The following ATP8B3 variants were observed in gnomAD, a reference collection of about 807,000 sequenced individuals.
ATP8B3 encodes phospholipid-transporting ATPase IK.
A neutral mutation model predicts 140.9 loss-of-function variants in ATP8B3; 141 were observed. The ratio of observed to expected loss-of-function variants is 1.00; its 90% confidence interval spans 0.87 to 1.15. ATP8B3 has a LOEUF of 1.15. Among genes scored for constraint, ATP8B3 ranks in the 50% most tolerant of loss-of-function variants. The pLI, the probability that ATP8B3 is intolerant of heterozygous loss-of-function variation, is 0.00. For synonymous variants in ATP8B3, 765 were observed against 714.6 expected, an observed-to-expected ratio of 1.07 and a Z score of -1.13; for missense variants, 1,874 against 1,740.6, an observed-to-expected ratio of 1.08 and a Z score of -1.36.
In ATP8B3 at chr19:1,789,440, G is replaced by A; in HGVS notation, c.2766C>T (p.Ile922=). The A allele has an allele frequency of 6.3e-7, 1 of 1,598,060 alleles. No homozygotes were observed. The change falls in exon 23 of 29, where the codon ATC becomes ATT. Residue 922 remains isoleucine, a synonymous_variant. Coordinates refer to ENST00000310127, the MANE Select transcript of ATP8B3 (RefSeq NM_138813.4). ...CRVTPKQKAL[I]VALVKKYHQV... ...GGTGGTACTTCTTGACCAGGGCCAC[G>A]ATCAGGGCCTTCTGCTTGGGCGTCA... is the stretch of plus-strand genomic sequence containing the variant.
Position 1,805,573 on chromosome 19 carries a change from T to C in ATP8B3, c.822-117A>G, listed in dbSNP as rs2068985732. 2 of 940,248 alleles carry C rather than the reference T, an allele frequency of 2.1e-6. No homozygotes were observed. Among genetic ancestry groups the C allele is most frequent in the East Asian group, 5.2e-5 (2 of 38,164 alleles). The allele number at this position is 940,248 out of a possible 1,614,324, so 58.2% of individuals were successfully genotyped here. A position where few individuals can be genotyped will look rare whatever the true frequency, so the allele number is the denominator to read the frequency against. ...ACTGAGCACCTACTAGTTCGCCAGCTGCCAGTCAGATGGCTGAGGCCCAGA... is the reference window on the plus strand; with the variant it reads ...ACTGAGCACCTACTAGTTCGCCAGCCGCCAGTCAGATGGCTGAGGCCCAGA... On this transcript the variant is annotated intron_variant, in intron 9 of 28. Transcript: ENST00000310127. The surrounding 1 kb of genome is among the most constrained non-coding windows in gnomAD (Gnocchi z 5.2).
chr19:1,799,454 C>T (rs572749457), intron 14 of ATP8B3: 24 of 191,314 alleles, frequency 1.3e-4, no homozygotes, highest in Non-Finnish European at 1.0e-4. Flanking sequence ...AGCAAAACTC[C>T]GTCTCAGAGA....
At chr19:1,792,175 C>A (rs571387399) in intron 18 of ATP8B3, 40 bp from the exon 19 acceptor site, 5 of 1,525,230 alleles carry the variant, frequency 3.3e-6, no homozygotes, top group Non-Finnish European at 4.4e-6. Context: ...CATGCTGAAG[C>A]CGACATCCGA....
chr19:1,806,505 C>G lies in ATP8B3; in HGVS notation c.677+123G>C. 6.7e-7 allele frequency: 1 copy of G among 1,498,172 alleles called. No homozygotes were observed. The highest frequency in any genetic ancestry group is 8.9e-7 in the Non-Finnish European group (1 of 1,126,140). 92.8% of individuals were successfully genotyped at this position (1,498,172 alleles called of 1,614,324 possible). A position where few individuals can be genotyped will look rare whatever the true frequency, so the allele number is the denominator to read the frequency against. ...TAATGAATGCAGGCCCGGTTCCTGT[C>G]GGACTCAACCAGCCGGGAGATCAGG... On this transcript the variant is annotated intron_variant, in intron 7 of 28. Coordinates refer to ENST00000310127, the MANE Select transcript of ATP8B3 (RefSeq NM_138813.4). This position sits in a 1 kb window ranked among gnomAD's most constrained non-coding sequence, Gnocchi z 5.6.
chr19:1,791,649 T>C, intron 20 of ATP8B3, 101 bp downstream of exon 20: 5 of 916,246 alleles, frequency 5.5e-6, no homozygotes, highest in Non-Finnish European at 8.5e-6. Context: ...CGCCTCGGCC[T>C]CCCAAAGTGC....
intron 25 of ATP8B3, among the ~76,000 whole-genome samples, chr19:1,786,004 G>A (rs567413810): frequency 3.3e-5 from 5 of 152,088 alleles, no homozygotes; most frequent in Admixed American, 6.5e-5. Context: ...GTGGTGGTGC[G>A]CACCTGTAAT....
In ATP8B3 at chr19:1,805,820, G is replaced by A; in HGVS notation, c.821+68C>T. 1.4e-5 allele frequency: 23 copies of A among 1,589,254 alleles called. No homozygotes were observed. The highest frequency in any genetic ancestry group is 1.9e-5 in the Non-Finnish European group (22 of 1,160,992). On this transcript the variant is annotated intron_variant, in intron 9 of 28. Transcript: ENST00000310127. This position sits in a 1 kb window ranked among gnomAD's most constrained non-coding sequence, Gnocchi z 5.2. The stretch of plus-strand genomic sequence containing the variant: ...TGGCTGGCCGCCTCCTTGGTGACTG[G>A]GGAAGGGGGCTCCTCCGGGCCATGC...
At chr19:1,791,317 C>T (rs1568627948) in intron 20 of ATP8B3, among the ~76,000 whole-genome samples, 1 of 151,684 alleles carries the variant, frequency 6.6e-6, no homozygotes, top group African/African-American at 2.4e-5. Flanking sequence ...CATAAGCGAG[C>T]CTCCTGCCTC....
At chr19:1,787,763 G>C (rs1008605870) in intron 24 of ATP8B3, among the ~76,000 whole-genome samples, 30 of 117,600 alleles carry the variant, frequency 2.6e-4, no homozygotes, top group Non-Finnish European at 3.4e-5. Flanking sequence ...AAAAAAAAAC[G>C]CTGGGTGCGA....
At chr19:1,788,874 G>T in intron 24 of ATP8B3, 23 bp downstream of exon 24, 2 of 1,559,736 alleles carry the variant, frequency 1.3e-6, no homozygotes, top group South Asian at 1.2e-5. Context: ...CTGGTCATGG[G>T]GCAGCCAGGG....
At chr19:1,795,789 AC>A in intron 18 of ATP8B3, 85 bp downstream of exon 18, 1 of 47,386 alleles carries the variant, frequency 2.1e-5, no homozygotes, top group Non-Finnish European at 3.6e-5. Flanking sequence ...GTCCCTACAC[AC>A]ACACACACAC....
Position 1,789,915 on chromosome 19 carries a change from G to C in ATP8B3, c.2453C>G (p.Ala818Gly). The change falls in exon 22 of 29, where the codon GCC becomes GGC. Residue 818 changes from alanine to glycine, a missense_variant. Physicochemically the swap from Ala to Gly is moderately conservative, Grantham distance 60. Around this residue, in one of 3 missense-constraint regions of ATP8B3, gnomAD observed 840 missense variants for 760.9 expected, o/e 1.10. Coordinates refer to ENST00000310127, the MANE Select transcript of ATP8B3 (RefSeq NM_138813.4). ...CAGGAAGTCTCCGTTAATGACCAAG[G>C]CCAGCTTGACCTGCGACAGGGACTC... ...TRESLSQVKLALVINGDFLDK... is the reference protein window; with the variant it reads ...TRESLSQVKLGLVINGDFLDK... 2 of 1,612,000 alleles carry C rather than the reference G, an allele frequency of 1.2e-6. No homozygotes were observed. Among genetic ancestry groups the C allele is most frequent in the Admixed American group, 3.3e-5 (2 of 59,998 alleles).
chr19:1,786,242 T>C (rs183869061), intron 25 of ATP8B3, among the ~76,000 whole-genome samples: 417 of 151,850 alleles, frequency 2.7e-3, no homozygotes, highest in African/African-American at 8.7e-3. Context: ...GACGGGGCAG[T>C]TTACGTGATT....
At chr19:1,791,965 A>AC in intron 19 of ATP8B3, 36 bp downstream of exon 19, 1 of 756,948 alleles carries the variant, frequency 1.3e-6, no homozygotes, top group East Asian at 4.9e-5. Context: ...CCCGCTGCCC[A>AC]CCCACCCTGA....
chr19:1,790,320 T>G (rs1290451449), intron 21 of ATP8B3, among the ~76,000 whole-genome samples: 6 of 5,458 alleles, frequency 1.1e-3, no homozygotes, highest in Non-Finnish European at 1.8e-3. Context: ...CCACTGCCCC[T>G]CCCCTCCTCC....
intron 22 of ATP8B3, 29 bp from the exon 23 acceptor site, chr19:1,789,756 G>T: frequency 1.3e-6 from 2 of 1,540,990 alleles, no homozygotes; most frequent in Non-Finnish European, 8.7e-7. Flanking sequence ...GCTGTGCCAG[G>T]CGCCGTGGCC....
In ATP8B3 at chr19:1,794,747, A is replaced by G. The variant is rs945904888; in HGVS notation, c.2055+1128T>C. Among the ~76,000 whole-genome samples, 5 of 152,114 alleles carry G rather than the reference A, an allele frequency of 3.3e-5. No individual in the cohort carries two copies. The highest frequency in any genetic ancestry group is 7.4e-5 in the Non-Finnish European group (5 of 67,988). On this transcript the variant is annotated intron_variant, in intron 18 of 28. Transcript: ENST00000310127. The surrounding 1 kb of genome is among the most constrained non-coding windows in gnomAD (Gnocchi z 4.8). ...GCCAAGGCAGCACCTGAGAGTGGGG[A>G]AGTCACAAGCCAGAAACTGGGTCCT...
chr19:1,793,627 G>T (rs2068582477), intron 18 of ATP8B3, among the ~76,000 whole-genome samples: 1 of 152,236 alleles, frequency 6.6e-6, no homozygotes, highest in Admixed American at 6.5e-5. Flanking sequence ...GCACCCCAAG[G>T]GTGGTCGGGG....
In ATP8B3 at chr19:1,806,377, G is replaced by T; in HGVS notation, c.678-208C>A. ...GTGACCTCCAGGGTCCTGCACCCAC[G>T]TCCTCTTCAGACTTTCCTTGTCCTC... is the stretch of plus-strand genomic sequence containing the variant. On this transcript the variant is annotated intron_variant, in intron 7 of 28. Transcript: ENST00000310127. The surrounding 1 kb of genome is among the most constrained non-coding windows in gnomAD (Gnocchi z 5.6). 1.4e-6 allele frequency: 2 copies of T among 1,444,834 alleles called. No homozygotes were observed. Among genetic ancestry groups the T allele is most frequent in the South Asian group, 2.9e-5 (2 of 68,162 alleles). The allele number at this position is 1,444,834 out of a possible 1,614,324, so 89.5% of individuals were successfully genotyped here.
Sources: gnomAD v4.1 joint callset for allele counts (sites outside exome capture counted in the v4.1 genomes callset) on GRCh38, gnomAD v4.1.1 for gene constraint, gnomAD v4.1.1 regional missense constraint, Gnocchi (gnomAD v3.1) non-coding constraint, MANE v1.5 for transcripts, NCBI Gene and HGNC (gene_info 2026-07-23, HGNC 2026-07-21) for gene names.